CEP170: variants seen among roughly 807,000 people sequenced by gnomAD.
CEP170 encodes the protein centrosomal protein of 170 kDa.
In CEP170, 21 loss-of-function variants were observed where a neutral mutation model predicts 151.9. That is an observed-to-expected ratio of 0.14 (90% CI 0.10 to 0.20). The LOEUF (loss-of-function observed/expected upper bound fraction) is 0.20, where lower values mean the gene tolerates loss of function less well. Ranked by LOEUF, CEP170 falls within the 10% of genes least tolerant of loss-of-function variation. The pLI, the probability that CEP170 is intolerant of heterozygous loss-of-function variation, is 1.00. For missense variants in CEP170, 964 were observed against 1,892.9 expected (o/e 0.51, Z 9.11); for synonymous variants, 356 against 648.8 (o/e 0.55, Z 6.86).
At position 243,185,741 on chromosome 1, in the gene CEP170, A is replaced by G; in HGVS notation, c.1566+38T>C. The G allele has an allele frequency of 3.9e-6, 6 of 1,545,794 alleles. No homozygotes were observed. The highest frequency in any genetic ancestry group is 5.2e-6 in the Non-Finnish European group (6 of 1,148,208). On this transcript the variant is annotated intron_variant, in intron 10 of 19. Coordinates refer to ENST00000366542, the MANE Select transcript of CEP170 (RefSeq NM_014812.3). The surrounding 1 kb of genome is among the most constrained non-coding windows in gnomAD (Gnocchi z 4.9). Reference sequence around the variant, plus strand: ...AATTTCCACCAGTCAAATACACCACACAACAACTAAGATCACACTCAAATT... The same window carrying G: ...AATTTCCACCAGTCAAATACACCACGCAACAACTAAGATCACACTCAAATT...
In CEP170 at chr1:243,169,376, A is replaced by G. The variant is rs978084538; in HGVS notation, c.1843+252T>C. ...CACTTTGAATTTGTCCCCTGCTTAA[A>G]ATCCCTCAAAATATACAATATCTAA... On this transcript the variant is annotated intron_variant, in intron 12 of 19. Coordinates refer to ENST00000366542, the MANE Select transcript of CEP170 (RefSeq NM_014812.3). The G allele has an allele frequency of 1.1e-5, 6 of 527,858 alleles. No homozygotes were observed. In the African/African-American group the frequency reaches 1.2e-4, roughly 10 times the overall value. The allele number at this position is 527,858 out of a possible 1,614,324, so 32.7% of individuals were successfully genotyped here. A position where few individuals can be genotyped will look rare whatever the true frequency, so the allele number is the denominator to read the frequency against.
chr1:243,131,879 AG>A (rs1252662624), intron 17 of CEP170, among the ~76,000 whole-genome samples: 1 of 152,232 alleles, frequency 6.6e-6, no homozygotes, highest in Non-Finnish European at 1.5e-5. Flanking sequence ...CATTGGTTTT[AG>A]GGAAACAAAC....
chr1:243,240,758 T>A (rs1335184897), intron 1 of CEP170, among the ~76,000 whole-genome samples: 1 of 152,136 alleles, frequency 6.6e-6, no homozygotes, highest in Non-Finnish European at 1.5e-5. Context: ...AATGGCACGA[T>A]CTCAGCTCAC....
At chr1:243,237,117 AT>A (rs1362666793) in intron 1 of CEP170, among the ~76,000 whole-genome samples, 4 of 152,244 alleles carry the variant, frequency 2.6e-5, no homozygotes, top group Non-Finnish European at 5.9e-5. Context: ...GCAAGAATGT[AT>A]TTAGTGAATA....
chr1:243,234,053 A>G (rs1020948104), intron 1 of CEP170, among the ~76,000 whole-genome samples: 1 of 152,184 alleles, frequency 6.6e-6, no homozygotes, highest in Non-Finnish European at 1.5e-5. Context: ...AGGGCAGTCT[A>G]TCCTTATGGT....
Position 243,172,818 on chromosome 1 carries a change from T to C in CEP170, c.1595A>G (p.Tyr532Cys), listed in dbSNP as rs1229033175. The C allele has an allele frequency of 6.4e-7, 1 of 1,571,510 alleles. No homozygotes were observed. The highest frequency in any genetic ancestry group is 2.3e-5 in the East Asian group (1 of 43,032). Residue 532 changes from tyrosine (Y) to cysteine (C), a missense_variant, in exon 11 of 20, where the codon TAT becomes TGT. Physicochemically the swap from Tyr to Cys is radical, Grantham distance 194. Coordinates refer to ENST00000366542, the MANE Select transcript of CEP170 (RefSeq NM_014812.3). ...KVFGVDDNQDYNRPVINEKHK... is the reference protein window; with the variant it reads ...KVFGVDDNQDCNRPVINEKHK... ...TTTTTCGTTGATAACAGGCCTATTA[T>C]AATCCTGATTGTCATCTACTCCAAA... is the stretch of plus-strand genomic sequence containing the variant.
chr1:243,177,217 G>A (rs1435766326), intron 10 of CEP170, among the ~76,000 whole-genome samples: 1 of 152,206 alleles, frequency 6.6e-6, no homozygotes, highest in Non-Finnish European at 1.5e-5. Flanking sequence ...TGAAAGAAGA[G>A]AAGCGCCGTG....
intron 1 of CEP170, among the ~76,000 whole-genome samples, chr1:243,251,708 G>C (rs1177629870): frequency 6.6e-6 from 1 of 152,052 alleles, no homozygotes; most frequent in Non-Finnish European, 1.5e-5. Context: ...TGTGTCATTT[G>C]TTTTTCAGAC....
chr1:243,243,912 T>C (rs1473417941), intron 1 of CEP170, among the ~76,000 whole-genome samples: 1 of 151,868 alleles, frequency 6.6e-6, no homozygotes, highest in Non-Finnish European at 1.5e-5. Context: ...GTCATCTGTG[T>C]CAATTTAGCT....
At chr1:243,214,269 T>C (rs984185030) in intron 3 of CEP170, among the ~76,000 whole-genome samples, 1 of 148,616 alleles carries the variant, frequency 6.7e-6, no homozygotes, top group African/African-American at 2.5e-5. Context: ...AACAAAATTA[T>C]AAGCTGTAAA....
intron 1 of CEP170, among the ~76,000 whole-genome samples, chr1:243,231,835 T>G (rs1036123422): frequency 3.0e-4 from 45 of 152,192 alleles, no homozygotes; most frequent in Non-Finnish European, 1.0e-4. Flanking sequence ...TTATGCTGGG[T>G]GCGGTGGCTC....
In CEP170 at chr1:243,126,883, T is replaced by C. The variant is rs1572094995; in HGVS notation, c.4466-145A>G. The C allele has an allele frequency of 1.1e-4, 87 of 825,744 alleles. No homozygotes were observed. The East Asian group carries it at 2.3e-3, about 22-fold the overall frequency. 51.2% of individuals were successfully genotyped at this position (825,744 alleles called of 1,614,324 possible). A position where few individuals can be genotyped will look rare whatever the true frequency, so the allele number is the denominator to read the frequency against. On this transcript the variant is annotated intron_variant, in intron 19 of 19. Transcript: ENST00000366542. ...TCCAATATTATATTTAAAACTCCAT[T>C]CTTAGTTATTCTGTAGCTGTACTGT...
At chr1:243,152,119 C>T (rs1241282030) in intron 14 of CEP170, among the ~76,000 whole-genome samples, 1 of 152,136 alleles carries the variant, frequency 6.6e-6, no homozygotes, top group Non-Finnish European at 1.5e-5. Context: ...GGACAATGTA[C>T]CTGGTTACCT....
chr1:243,152,520 C>CCTTTTT (rs1558429307), intron 14 of CEP170, among the ~76,000 whole-genome samples: 1 of 63,492 alleles, frequency 1.6e-5, no homozygotes, highest in Non-Finnish European at 3.1e-5. Context: ...CGCGCCCAGC[C>CCTTTTT]ATTTTTTTTT....
chr1:243,163,493 A>G (rs981984409), intron 13 of CEP170, among the ~76,000 whole-genome samples: 9 of 152,260 alleles, frequency 5.9e-5, no homozygotes, highest in African/African-American at 1.4e-4. Flanking sequence ...GCAAACAAAT[A>G]TAACAGCATC....
chr1:243,228,678 ATACAG>A (rs1212226145), intron 1 of CEP170, among the ~76,000 whole-genome samples: 1 of 152,266 alleles, frequency 6.6e-6, no homozygotes, highest in African/African-American at 2.4e-5. Flanking sequence ...TCCAGCCTAC[ATACAG>A]TAAACTAAAA....
At chr1:243,210,960 T>C (rs1431403161) in intron 4 of CEP170, among the ~76,000 whole-genome samples, 2 of 152,054 alleles carry the variant, frequency 1.3e-5, no homozygotes, top group Non-Finnish European at 2.9e-5. Flanking sequence ...TTTATAGTGT[T>C]AATACATTTA....
intron 13 of CEP170, among the ~76,000 whole-genome samples, chr1:243,157,844 T>C (rs2057699692): frequency 6.6e-6 from 1 of 152,196 alleles, no homozygotes; most frequent in Non-Finnish European, 1.5e-5. Flanking sequence ...TATCGATTCG[T>C]CCTTATTCAC....
chr1:243,192,477 G>A lies in CEP170; in HGVS notation c.632-983C>T, dbSNP rs184188736. 7.6e-4 allele frequency among the ~76,000 whole-genome samples: 116 copies of A among 152,274 alleles called. 1 individual carries two copies. The highest frequency in any genetic ancestry group is 2.7e-3 in the African/African-American group (112 of 41,560). On this transcript the variant is annotated intron_variant, in intron 7 of 19. Transcript: ENST00000366542. The stretch of plus-strand genomic sequence containing the variant: ...AAAAAATTAAAGATGCTATTGTCCT[G>A]TTGTTGAAGAAGCAAAGCATGTCCA...
Sources: allele counts gnomAD v4.1 joint callset (sites outside exome capture counted in the v4.1 genomes callset), GRCh38; gene constraint gnomAD v4.1.1; non-coding constraint Gnocchi (gnomAD v3.1); transcripts MANE v1.5; gene names NCBI Gene and HGNC (gene_info 2026-07-23, HGNC 2026-07-21).